ENDOV: variants seen among roughly 807,000 people sequenced by gnomAD.
ENDOV encodes the protein endonuclease V, also known as hEndoV.
In ENDOV, 37 loss-of-function variants were observed where a neutral mutation model predicts 39.4. That is an observed-to-expected ratio of 0.94 (90% CI 0.72 to 1.23). The LOEUF (loss-of-function observed/expected upper bound fraction) is 1.23, where lower values mean the gene tolerates loss of function less well. Ranked by LOEUF, ENDOV falls within the 50% of genes most tolerant of loss-of-function variation. ENDOV has a pLI of 0.00. For missense variants in ENDOV, 441 were observed against 375.7 expected (o/e 1.17, Z -1.44); for synonymous variants, 186 against 163.4 (o/e 1.14, Z -1.05).
chr17:80,433,243 C>T, intron 9 of ENDOV: 1 of 519,630 alleles, frequency 1.9e-6, no homozygotes, highest in Non-Finnish European at 3.9e-6. Context: ...CCACAGGGGT[C>T]AGTACCTGCC....
rs757153038 is a variant in ENDOV at position 80,425,573 on chromosome 17, C to T, written c.667C>T (p.Leu223=). The T allele has an allele frequency of 3.0e-5, 48 of 1,592,282 alleles. No homozygotes were observed. In the East Asian group the frequency reaches 1.1e-3, roughly 36 times the overall value. Residue 223 remains leucine (L), a synonymous_variant, in exon 7 of 10, where the codon CTG becomes TTG. Transcript: ENST00000518137. ...GATGAGCCTGGAGGCCGCTGTGCGCCTGACTTGCTGCTGCTGCAGGTTCCG... is the reference window on the plus strand; with the variant it reads ...GATGAGCCTGGAGGCCGCTGTGCGCTTGACTTGCTGCTGCTGCAGGTTCCG... ...HRMSLEAAVR[L]TCCCCRFRIP... is the part of the protein sequence containing the mutation.
At chr17:80,430,019 G>A (rs745932289) in intron 9 of ENDOV, 188 bp downstream of exon 9, 17 of 1,536,418 alleles carry the variant, frequency 1.1e-5, no homozygotes, top group Non-Finnish European at 1.5e-5. Context: ...AGGGACTTAG[G>A]GGAACCTCAT....
chr17:80,436,358 T>A lies in ENDOV; in HGVS notation c.*215T>A. 6.6e-7 allele frequency: 1 copy of A among 1,505,138 alleles called. No homozygotes were observed. The allele number at this position is 1,505,138 out of a possible 1,614,324, so 93.2% of individuals were successfully genotyped here. On this transcript the variant is annotated 3_prime_UTR_variant, in exon 10 of 10. Transcript: ENST00000518137. ...CACGTCCTTGTCTTGTTCCTGATCTTAAGGGAACGTTTGCAGTCTTTCACC... is the reference window on the plus strand; with the variant it reads ...CACGTCCTTGTCTTGTTCCTGATCTAAAGGGAACGTTTGCAGTCTTTCACC...
intron 7 of ENDOV, chr17:80,427,882 C>A: frequency 8.1e-7 from 1 of 1,234,132 alleles, no homozygotes; most frequent in African/African-American, 1.6e-5. Context: ...TACCGCTGCC[C>A]CACTTCCCCC....
At chr17:80,427,984 A>AAGTCCCCCTGATCCCAGC in intron 7 of ENDOV, 2 of 951,950 alleles carry the variant, frequency 2.1e-6, no homozygotes, top group Non-Finnish European at 2.8e-6. Context: ...CTGAGCTGGG[A>AAGTCCCCCTGATCCCAGC]TCAGGGGGAC....
rs773918846 is a variant in ENDOV at position 80,430,885 on chromosome 17, A to G, written c.838+1054A>G. On this transcript the variant is annotated intron_variant, in intron 9 of 9. Transcript: ENST00000518137. ...CCCTAGGCCCCTGTCTGGCCACTTC[A>G]TCTTCTCTTGGTGTGGGCTAGAGGC... 4.6e-5 allele frequency among the ~76,000 whole-genome samples: 7 copies of G among 152,140 alleles called. 1 individual carries two copies. In the Middle Eastern group the frequency reaches 0.017, roughly 370 times the overall value.
At chr17:80,417,033 G>T (rs4366758) in intron 2 of ENDOV, 4,856 of 152,302 alleles carry the variant, frequency 0.032, 111 homozygotes, top group East Asian at 0.12. Flanking sequence ...GAGATTACAG[G>T]TGGGAACCAC....
At chr17:80,415,496 T>C in intron 1 of ENDOV, 154 bp from the exon 2 acceptor site, 4 of 1,118,404 alleles carry the variant, frequency 3.6e-6, no homozygotes, top group South Asian at 1.6e-5. Flanking sequence ...CCGCCTGGGC[T>C]CCTAGGGACT....
rs41300780 is a variant in ENDOV, at chr17:80,428,725, C to T, written c.779+65C>T. Reference sequence around the variant, plus strand: ...CACAGACACCTGCATGGGCTGTTTCCGGTGGCTCAGCCTCTCCTTGTTGCA... The same window carrying T: ...CACAGACACCTGCATGGGCTGTTTCTGGTGGCTCAGCCTCTCCTTGTTGCA... On this transcript the variant is annotated intron_variant, in intron 8 of 9. Transcript: ENST00000518137. 2.6e-3 allele frequency: 3,907 copies of T among 1,474,700 alleles called. 100 individuals carry two copies. The African/African-American group carries it at 0.048, about 18-fold the overall frequency. 91.4% of individuals were successfully genotyped at this position (1,474,700 alleles called of 1,614,324 possible).
At chr17:80,431,435 C>G (rs1021228846) in intron 9 of ENDOV, among the ~76,000 whole-genome samples, 1 of 152,144 alleles carries the variant, frequency 6.6e-6, no homozygotes, top group Non-Finnish European at 1.5e-5. Flanking sequence ...TAGACTCACT[C>G]CAGGACAAGT....
At chr17:80,435,806 C>T (rs1329511739) in intron 9 of ENDOV, among the ~76,000 whole-genome samples, 5 of 150,410 alleles carry the variant, frequency 3.3e-5, no homozygotes, top group Admixed American at 6.6e-5. Context: ...TCAGTAGAGA[C>T]GGGGTTTCAC....
intron 6 of ENDOV, 45 bp downstream of exon 6, chr17:80,425,145 G>C: frequency 6.5e-7 from 1 of 1,542,162 alleles, no homozygotes; most frequent in Non-Finnish European, 8.8e-7. Context: ...CCGGGGTAGG[G>C]GATCCTTTGC....
chr17:80,431,625 C>T (rs1212063846), intron 9 of ENDOV, among the ~76,000 whole-genome samples: 1 of 152,212 alleles, frequency 6.6e-6, no homozygotes, highest in Non-Finnish European at 1.5e-5. Flanking sequence ...CCCTCAGGCC[C>T]TCCATGCTTC....
chr17:80,435,689 A>G (rs1343007775), intron 9 of ENDOV, among the ~76,000 whole-genome samples: 1 of 151,078 alleles, frequency 6.6e-6, no homozygotes, highest in Non-Finnish European at 1.5e-5. Flanking sequence ...ATCTCGGCTC[A>G]CTGCAAGCTC....
Position 80,434,224 on chromosome 17 carries a change from T to C in ENDOV, c.839-1909T>C, listed in dbSNP as rs538148658. On this transcript the variant is annotated intron_variant, in intron 9 of 9. Coordinates refer to ENST00000518137, the MANE Select transcript of ENDOV (RefSeq NM_173627.5). ...CACCGTGTAGTCTTTTCTGTCTGGC[T>C]TCCTTCTCTTGGCATAATGTTTTCA... 5.2e-5 allele frequency among the ~76,000 whole-genome samples: 8 copies of C among 152,382 alleles called. No individual in the cohort carries two copies. In the South Asian group the frequency reaches 1.4e-3, roughly 28 times the overall value.
In ENDOV at chr17:80,425,387, C is replaced by A. The variant is rs2082567948; in HGVS notation, c.586-105C>A. 3.4e-6 allele frequency: 5 copies of A among 1,474,210 alleles called. No individual in the cohort carries two copies. The Admixed American group carries it at 8.9e-5, about 26-fold the overall frequency. The allele number at this position is 1,474,210 out of a possible 1,614,324, so 91.3% of individuals were successfully genotyped here. On this transcript the variant is annotated intron_variant, in intron 6 of 9. Coordinates refer to ENST00000518137, the MANE Select transcript of ENDOV (RefSeq NM_173627.5). ...TGAGAGCACTGCCCCTTCAGCTTCC[C>A]CCTTGCCCCCAGGACATTTTGTCAG... is the stretch of plus-strand genomic sequence containing the variant.
At chr17:80,434,943 C>A (rs41302936) in intron 9 of ENDOV, among the ~76,000 whole-genome samples, 180 of 150,648 alleles carry the variant, frequency 1.2e-3, no homozygotes, top group African/African-American at 4.2e-3. Context: ...GACCCTGCCT[C>A]AAAAAAAAAG....
In ENDOV at chr17:80,436,477, C is replaced by A. The variant is rs2083599411; in HGVS notation, c.*334C>A. On this transcript the variant is annotated 3_prime_UTR_variant, in exon 10 of 10. Coordinates refer to ENST00000518137, the MANE Select transcript of ENDOV (RefSeq NM_173627.5). ...GTCCTAATTTGTTAAGTGTTTTTATCCTTAAAGGGTACTGGATTTTGTCAA... is the reference window on the plus strand; with the variant it reads ...GTCCTAATTTGTTAAGTGTTTTTATACTTAAAGGGTACTGGATTTTGTCAA... 7.4e-6 allele frequency: 6 copies of A among 808,800 alleles called. No homozygotes were observed. The highest frequency in any genetic ancestry group is 1.0e-5 in the Non-Finnish European group (6 of 586,410). 50.1% of individuals were successfully genotyped at this position (808,800 alleles called of 1,614,324 possible).
intron 9 of ENDOV, chr17:80,433,266 GA>G: frequency 1.9e-6 from 1 of 517,724 alleles, no homozygotes; most frequent in South Asian, 1.4e-5. Flanking sequence ...TGTGGTGGGG[GA>G]TATTCCACCA....
Sources: allele counts gnomAD v4.1 joint callset (sites outside exome capture counted in the v4.1 genomes callset), GRCh38; gene constraint gnomAD v4.1.1; transcripts MANE v1.5; gene names NCBI Gene and HGNC (gene_info 2026-07-23, HGNC 2026-07-21).